The following TENM2 variants were observed in gnomAD, a reference collection of about 807,000 sequenced individuals.
The protein encoded by TENM2 is teneurin-2.
In TENM2, 52 loss-of-function variants were observed where a neutral mutation model predicts 245.2. The observed-to-expected ratio is 0.21, with a 90% CI of 0.17 to 0.27. TENM2 has a LOEUF of 0.27. TENM2 is among the 10% of genes least tolerant of loss of function. TENM2 has a pLI of 1.00. For synonymous variants in TENM2, 1,363 were observed against 1,438.9 expected, an observed-to-expected ratio of 0.95 and a Z score of 1.19; for missense variants, 3,046 against 3,666.8, an observed-to-expected ratio of 0.83 and a Z score of 4.37.
rs374656607 is a variant in TENM2 at position 167,579,653 on chromosome 5, T to C, written c.502+204180T>C. ...TTACTGAAATCCACAGTAGCTCTAATTTTTGTGTGTGTGAGTGTGGAGAAT... is the reference window on the plus strand; with the variant it reads ...TTACTGAAATCCACAGTAGCTCTAACTTTTGTGTGTGTGAGTGTGGAGAAT... On this transcript the variant is annotated intron_variant, in intron 2 of 28. Transcript: ENST00000518659. Among the ~76,000 whole-genome samples, 259 of 152,332 alleles carry C rather than the reference T, an allele frequency of 1.7e-3. 12 individuals are homozygous for C. In the South Asian group the frequency reaches 0.052, roughly 30 times the overall value.
Position 167,526,025 on chromosome 5 carries a change from C to T in TENM2, c.502+150552C>T, listed in dbSNP as rs902062538. ...CTTTTTTCTTTATGTTATGCATATT[C>T]AGAAATGGGTCTCCTTGTAAATGGC... is the stretch of plus-strand genomic sequence containing the variant. On this transcript the variant is annotated intron_variant, in intron 2 of 28. Coordinates refer to ENST00000518659, the Ensembl canonical transcript of TENM2. 2.3e-4 allele frequency among the ~76,000 whole-genome samples: 35 copies of T among 151,944 alleles called. 1 individual carries two copies. The highest frequency in any genetic ancestry group is 3.4e-3 in the Middle Eastern group (1 of 294).
At chr5:167,783,260 G>C (rs954732585) in intron 2 of TENM2, among the ~76,000 whole-genome samples, 1 of 151,470 alleles carries the variant, frequency 6.6e-6, no homozygotes. Flanking sequence ...CACACACCGG[G>C]TTCAGCCCAC....
chr5:167,422,135 A>T (rs1763546663), intron 2 of TENM2, among the ~76,000 whole-genome samples: 1 of 152,100 alleles, frequency 6.6e-6, no homozygotes, highest in South Asian at 2.1e-4. Flanking sequence ...CATTAATAGG[A>T]TATATTTATG....
chr5:167,897,347 A>G (rs965103051), intron 3 of TENM2, among the ~76,000 whole-genome samples: 4 of 151,856 alleles, frequency 2.6e-5, no homozygotes, highest in African/African-American at 9.7e-5. Context: ...TTGTAATTAT[A>G]AAGTGCTCAC....
At chr5:167,980,254 G>T (rs1186945764) in intron 4 of TENM2, among the ~76,000 whole-genome samples, 1 of 152,152 alleles carries the variant, frequency 6.6e-6, no homozygotes, top group African/African-American at 2.4e-5. Context: ...ATGGGCCTTT[G>T]TATTCCACCC....
In TENM2 at chr5:168,204,730, C is replaced by T. The variant is rs1762218602; in HGVS notation, c.3824+109C>T. The T allele has an allele frequency of 2.2e-6, 3 of 1,391,472 alleles. No homozygotes were observed. In the African/African-American group the frequency reaches 4.3e-5, roughly 20 times the overall value. 86.2% of individuals were successfully genotyped at this position (1,391,472 alleles called of 1,614,324 possible). ...GGGATTCTCCAGAGAAGATATAGTCCTTGTGATCCAAAACCTAGGCCCAGA... is the reference window on the plus strand; with the variant it reads ...GGGATTCTCCAGAGAAGATATAGTCTTTGTGATCCAAAACCTAGGCCCAGA... On this transcript the variant is annotated intron_variant, in intron 19 of 28. Transcript: ENST00000518659.
At chr5:167,240,859 G>GC in the TENM2 span, among the ~76,000 whole-genome samples, 1 of 152,174 alleles carries the variant, frequency 6.6e-6, no homozygotes, top group African/African-American at 2.4e-5. Context: ...ATTGGGCTAA[G>GC]CCTCGTGTCC....
chr5:167,178,247 G>A, the TENM2 span, among the ~76,000 whole-genome samples: 2 of 152,186 alleles, frequency 1.3e-5, no homozygotes, highest in East Asian at 3.9e-4. Flanking sequence ...TAGGCCTTCT[G>A]TCAAAGTGAA....
chr5:167,257,379 T>A, the TENM2 span, among the ~76,000 whole-genome samples: 1 of 152,152 alleles, frequency 6.6e-6, no homozygotes, highest in Non-Finnish European at 1.5e-5. Flanking sequence ...CTCCTATTTT[T>A]GGACAACCAA....
intron 2 of TENM2, among the ~76,000 whole-genome samples, chr5:167,751,502 T>C (rs1227651493): frequency 6.6e-6 from 1 of 152,126 alleles, no homozygotes; most frequent in African/African-American, 2.4e-5. Context: ...GTGTTGCATG[T>C]GATAGTGCCA....
At chr5:167,569,108 T>G (rs1056005544) in intron 2 of TENM2, among the ~76,000 whole-genome samples, 1 of 137,732 alleles carries the variant, frequency 7.3e-6, no homozygotes, top group Non-Finnish European at 1.6e-5. Flanking sequence ...TTTTTTTTTT[T>G]GCAGAGAACT....
chr5:167,192,797 T>C, the TENM2 span, among the ~76,000 whole-genome samples: 1 of 152,048 alleles, frequency 6.6e-6, no homozygotes, highest in African/African-American at 2.4e-5. Flanking sequence ...GACTTCTGAT[T>C]CTCTATGTTA....
upstream of TENM2, among the ~76,000 whole-genome samples, chr5:167,282,866 T>C (rs932220434): frequency 6.6e-6 from 1 of 152,028 alleles, no homozygotes; most frequent in African/African-American, 2.4e-5. Flanking sequence ...AAAACTGACA[T>C]GCAAAAACAC....
intron 12 of TENM2, among the ~76,000 whole-genome samples, chr5:168,137,701 A>G (rs1030348363): frequency 6.6e-6 from 1 of 152,240 alleles, no homozygotes; most frequent in Non-Finnish European, 1.5e-5. Flanking sequence ...AAAGAGATGG[A>G]AGATACCGGA....
chr5:167,141,860 C>T, the TENM2 span, among the ~76,000 whole-genome samples: 9 of 152,098 alleles, frequency 5.9e-5, no homozygotes, highest in African/African-American at 7.2e-5. Context: ...GGGACTGATA[C>T]ATAGCAAGGA....
the TENM2 span, among the ~76,000 whole-genome samples, chr5:167,143,144 C>G: frequency 6.6e-6 from 1 of 152,206 alleles, no homozygotes; most frequent in South Asian, 2.1e-4. Context: ...TAGGGCAATC[C>G]AAATCTGTGC....
chr5:167,001,357 T>A, the TENM2 span, among the ~76,000 whole-genome samples: 1 of 152,130 alleles, frequency 6.6e-6, no homozygotes, highest in East Asian at 1.9e-4. Flanking sequence ...GCATTCATAT[T>A]TCATGTTTCT....
rs550144166 is a variant in TENM2, at chr5:167,413,700, GAGTATAAA to G, written c.502+38229_502+38236del. 9.9e-5 allele frequency among the ~76,000 whole-genome samples: 15 copies of G among 152,230 alleles called. No homozygotes were observed. The South Asian group carries it at 2.9e-3, about 29-fold the overall frequency. Reference sequence around the variant, plus strand: ...AACCAGTAAGATTTACAGCCAGGCTGAGTATAAAATCATAAAACTTTCAGTACGTGGTT... The same window carrying G: ...AACCAGTAAGATTTACAGCCAGGCTGATCATAAAACTTTCAGTACGTGGTT... On this transcript the variant is annotated intron_variant, in intron 2 of 28. Coordinates refer to ENST00000518659, the Ensembl canonical transcript of TENM2.
chr5:168,129,331 G>A (rs1481192717), intron 12 of TENM2: 1 of 152,224 alleles, frequency 6.6e-6, no homozygotes, highest in Non-Finnish European at 1.5e-5. Context: ...ATCTTTGTGA[G>A]ATGACATACA....
Sources: gnomAD v4.1 joint callset for allele counts (sites outside exome capture counted in the v4.1 genomes callset) on GRCh38, gnomAD v4.1.1 for gene constraint, MANE v1.5 for transcripts, NCBI Gene and HGNC (gene_info 2026-07-23, HGNC 2026-07-21) for gene names.